UPRT: variants seen among roughly 807,000 people sequenced by gnomAD.
UPRT encodes RP11-311P8.3.
UPRT carries 5 observed loss-of-function variants against 22.6 expected under a neutral mutation model. That is an observed-to-expected ratio of 0.22 (90% confidence interval 0.12 to 0.47). UPRT has a LOEUF of 0.47. Ranked by LOEUF, UPRT falls within the 20% of genes least tolerant of loss-of-function variation. The pLI, the probability that UPRT is intolerant of heterozygous loss-of-function variation, is 0.99. For missense variants in UPRT, 181 were observed against 239.9 expected (o/e 0.75, Z 1.62); for synonymous variants, 77 against 87.7 (o/e 0.88, Z 0.68).
chrX:75,247,750 G>C (rs1161206681), intron 4 of UPRT, among the ~76,000 whole-genome samples: 1 of 112,273 alleles, frequency 8.9e-6, no homozygotes, highest in East Asian at 2.8e-4. Context: ...CGCAGCTTGA[G>C]ATCTGAGAAT....
chrX:75,186,745 C>A (rs2082293773), intron 4 of UPRT, among the ~76,000 whole-genome samples: 1 of 112,204 alleles, frequency 8.9e-6, no homozygotes, highest in African/African-American at 3.3e-5. Context: ...GTTAGCTCTT[C>A]TTGTTGAATT....
rs76264296 is a variant in UPRT, at chrX:75,282,552, G to C, written c.386+7912G>C. ...TGACCCAGTGATCATTCAGGAACAG[G>C]TTATTTAATTTCATGTATTTGCATG... On this transcript the variant is annotated intron_variant, in intron 1 of 6. Transcript: ENST00000373383. Among the ~76,000 whole-genome samples the C allele has an allele frequency of 3.0e-3, 336 of 111,497 alleles. 1 individual carries two copies. The highest frequency in any genetic ancestry group is 1.0e-2 in the African/African-American group (306 of 30,711).
At chrX:75,257,778 A>G (rs1438688294) in intron 4 of UPRT, among the ~76,000 whole-genome samples, 2 of 111,376 alleles carry the variant, frequency 1.8e-5, no homozygotes, top group Non-Finnish European at 3.8e-5. Context: ...TTAAAAAAAA[A>G]TCTGAGGGAT....
chrX:75,225,964 C>A (rs1400321230), intron 4 of UPRT, among the ~76,000 whole-genome samples: 1 of 111,571 alleles, frequency 9.0e-6, no homozygotes, highest in Non-Finnish European at 1.9e-5. Context: ...TCAAACTTAA[C>A]ATGTCTAAAA....
chrX:75,250,556 G>T (rs2082525400), intron 4 of UPRT, among the ~76,000 whole-genome samples: 1 of 111,453 alleles, frequency 9.0e-6, no homozygotes, highest in African/African-American at 3.3e-5. Context: ...CTCTGAAATT[G>T]AGGCAATAAT....
At chrX:75,291,146 A>T (rs928329874) in intron 1 of UPRT, among the ~76,000 whole-genome samples, 29 of 111,691 alleles carry the variant, frequency 2.6e-4, no homozygotes, top group African/African-American at 8.8e-4. Flanking sequence ...TTAAATCTGC[A>T]TCGCTAAACC....
Position 75,253,150 on chromosome X carries a change from C to T in UPRT, c.-446-37874C>T, listed in dbSNP as rs772489746. ...TGGCACATGTATACATATTAACAAA[C>T]CTGCACGTTGTGCACATGTACCCTA... On this transcript the variant is annotated intron_variant, in intron 4 of 13. Transcript: ENST00000652605. Among the ~76,000 whole-genome samples the T allele has an allele frequency of 2.7e-5, 3 of 111,087 alleles. No individual in the cohort carries two copies. The South Asian group carries it at 1.2e-3, about 43-fold the overall frequency.
intron 4 of UPRT, among the ~76,000 whole-genome samples, chrX:75,264,575 G>A (rs2082580555): frequency 9.0e-6 from 1 of 111,207 alleles, no homozygotes; most frequent in African/African-American, 3.3e-5. Context: ...CCATTTGCTT[G>A]GTAGAACTTC....
chrX:75,295,405 T>TA lies in UPRT; in HGVS notation c.430-928dup, dbSNP rs143137264. Among the ~76,000 whole-genome samples, 120 of 110,083 alleles carry TA rather than the reference T, an allele frequency of 1.1e-3. 1 individual carries two copies. Among genetic ancestry groups the TA allele is most frequent in the Middle Eastern group, 9.3e-3 (2 of 215 alleles). On this transcript the variant is annotated intron_variant, in intron 2 of 6. Coordinates refer to ENST00000373383, the MANE Select transcript of UPRT (RefSeq NM_145052.4). Reference sequence around the variant, plus strand: ...CTCTTTTACCCTTGTAATTTGCTCATAAAAAAAAATCTCCACAGAAGATGG... The same window carrying TA: ...CTCTTTTACCCTTGTAATTTGCTCATAAAAAAAAAATCTCCACAGAAGATGG...
intron 1 of UPRT, chrX:75,291,417 C>T (rs772882191): frequency 7.4e-5 from 24 of 322,167 alleles, no homozygotes; most frequent in African/African-American, 5.4e-4. Flanking sequence ...GGAGAGATTA[C>T]GGTTATGATT....
intron 4 of UPRT, among the ~76,000 whole-genome samples, chrX:75,195,588 C>T (rs1269678985): frequency 3.6e-5 from 4 of 112,064 alleles, no homozygotes; most frequent in Non-Finnish European, 7.5e-5. Context: ...CCATGAAGGT[C>T]GTGGGGTCTC....
chrX:75,188,453 G>A (rs181073898), intron 4 of UPRT, among the ~76,000 whole-genome samples: 27 of 112,481 alleles, frequency 2.4e-4, no homozygotes, highest in African/African-American at 8.7e-4. Context: ...ATTTAAGTCT[G>A]TAGAGGTTAC....
chrX:75,258,585 T>G (rs1292312208), intron 4 of UPRT, among the ~76,000 whole-genome samples: 2 of 111,803 alleles, frequency 1.8e-5, no homozygotes, highest in Non-Finnish European at 3.8e-5. Flanking sequence ...TCCTCCTCTC[T>G]GGGAAGGGCA....
intron 4 of UPRT, among the ~76,000 whole-genome samples, chrX:75,194,563 AG>A (rs1158333683): frequency 3.6e-5 from 4 of 110,787 alleles, no homozygotes; most frequent in African/African-American, 9.9e-5. Flanking sequence ...AGTATTTTGT[AG>A]GGGGGCAGGA....
At chrX:75,287,483 A>C (rs1319804422) in intron 1 of UPRT, among the ~76,000 whole-genome samples, 1 of 111,955 alleles carries the variant, frequency 8.9e-6, no homozygotes, top group Non-Finnish European at 1.9e-5. Flanking sequence ...TTTTGGGTCT[A>C]CTATGAGATG....
intron 1 of UPRT, among the ~76,000 whole-genome samples, chrX:75,160,253 C>G (rs2082195079): frequency 9.0e-6 from 1 of 111,449 alleles, no homozygotes; most frequent in East Asian, 2.8e-4. Context: ...CTAGACATTT[C>G]CTTTGTTTGC....
chrX:75,163,214 C>A (rs998595760), exon 3 of UPRT, among the ~76,000 whole-genome samples: 2 of 111,655 alleles, frequency 1.8e-5, no homozygotes, highest in African/African-American at 6.5e-5. Context: ...TGCCACGTGA[C>A]CCCTTTTATA....
At chrX:75,282,759 C>G (rs934957797) in intron 1 of UPRT, among the ~76,000 whole-genome samples, 2 of 111,285 alleles carry the variant, frequency 1.8e-5, no homozygotes, top group Non-Finnish European at 3.8e-5. Context: ...AGTTGTTGGA[C>G]GAAATGTTCT....
At chrX:75,210,976 G>A (rs1335598988) in intron 4 of UPRT, among the ~76,000 whole-genome samples, 1 of 111,396 alleles carries the variant, frequency 9.0e-6, no homozygotes, top group Non-Finnish European at 1.9e-5. Flanking sequence ...AAGGCGTTCT[G>A]TTTTAATGGA....
Sources: gnomAD v4.1 joint callset for allele counts (sites outside exome capture counted in the v4.1 genomes callset) on GRCh38, gnomAD v4.1.1 for gene constraint, MANE v1.5 for transcripts, NCBI Gene and HGNC (gene_info 2026-07-23, HGNC 2026-07-21) for gene names.